HDAC7: variants seen among roughly 807,000 people sequenced by gnomAD.
HDAC7 encodes the protein histone deacetylase 7A.
HDAC7 carries 26 observed loss-of-function variants against 115.5 expected under a neutral mutation model. The ratio of observed to expected loss-of-function variants is 0.23; its 90% CI spans 0.16 to 0.31. The LOEUF is 0.31. Among genes scored for constraint, HDAC7 ranks in the 10% least tolerant of loss-of-function variants. The pLI is 1.00. For missense variants in HDAC7, 1,068 were observed against 1,329.0 expected (o/e 0.80, Z 3.05); for synonymous variants, 564 against 550.9 (o/e 1.02, Z -0.33).
rs762942623 is a variant in HDAC7 at position 47,797,171 on chromosome 12, C to T, written c.578-29G>A. 1.3e-6 allele frequency: 2 copies of T among 1,565,408 alleles called. No individual in the cohort carries two copies. Among genetic ancestry groups the T allele is most frequent in the South Asian group, 1.2e-5 (1 of 83,792 alleles). ...CAGGGAGCACCAGCGTCACTCAGGC[C>T]CCCACCACCCTTCTTTTTTCCACCC... is the stretch of plus-strand genomic sequence containing the variant. On this transcript the variant is annotated intron_variant, in intron 6 of 25. Coordinates refer to ENST00000080059, the MANE Select transcript of HDAC7 (RefSeq NM_015401.5). The surrounding 1 kb of genome is among the most constrained non-coding windows in gnomAD (Gnocchi z 5.5).
rs1328330670 is a variant in HDAC7, at chr12:47,789,364, G to A, written c.2148-16C>T. ...GCAGAAGCCCCTGGAAGGAGAGACA[G>A]GTCCTGCCAGCCCATTCTCTCCACA... On this transcript the variant is annotated splice_polypyrimidine_tract_variant and intron_variant, in intron 18 of 25. Transcript: ENST00000080059. 13 of 1,608,674 alleles carry A rather than the reference G, an allele frequency of 8.1e-6. No homozygotes were observed. Among genetic ancestry groups the A allele is most frequent in the South Asian group, 2.2e-5 (2 of 90,994 alleles).
At chr12:47,790,278 C>T (rs558537016) in intron 16 of HDAC7, 57 of 270,108 alleles carry the variant, frequency 2.1e-4, no homozygotes, top group South Asian at 9.0e-4. Flanking sequence ...CCCTGCGGGA[C>T]GGTCGGAGCT....
At chr12:47,785,222 G>A in intron 24 of HDAC7, 165 bp downstream of exon 24, 1 of 647,886 alleles carries the variant, frequency 1.5e-6, no homozygotes, top group South Asian at 1.9e-5. Flanking sequence ...CCCTCACTGG[G>A]GGGTGCTCAC....
rs1252487949 is a variant in HDAC7, at chr12:47,789,798, A to G, written c.2091+15T>C. The stretch of plus-strand genomic sequence containing the variant: ...CTCCTTTGTGGTGTGTCCACCTTCA[A>G]CCCAAACCTCCTACCTTTAGCTCAC... On this transcript the variant is annotated intron_variant, in intron 17 of 25. Coordinates refer to ENST00000080059, the MANE Select transcript of HDAC7 (RefSeq NM_015401.5). The G allele has an allele frequency of 6.2e-7, 1 of 1,603,632 alleles. No individual in the cohort carries two copies. The highest frequency in any genetic ancestry group is 8.5e-7 in the Non-Finnish European group (1 of 1,171,366).
rs1209253256 is a variant in HDAC7, at chr12:47,791,632, G to A, written c.1887C>T (p.Gly629=). The A allele has an allele frequency of 3.1e-6, 5 of 1,611,768 alleles. No homozygotes were observed. The highest frequency in any genetic ancestry group is 4.2e-6 in the Non-Finnish European group (5 of 1,179,252). The change falls in exon 15 of 26, where the codon GGC becomes GGT. Residue 629 remains glycine, a synonymous_variant. Coordinates refer to ENST00000080059, the MANE Select transcript of HDAC7 (RefSeq NM_015401.5). ...VHSERHVLLY[G]TNPLSRLKLD... is the part of the protein sequence containing the mutation. Reference sequence around the variant, plus strand: ...GTTTGAGGCGGCTGAGCGGGTTGGTGCCGTAGAGGAGCACGTGCCGCTCAG... The same window carrying A: ...GTTTGAGGCGGCTGAGCGGGTTGGTACCGTAGAGGAGCACGTGCCGCTCAG...
In HDAC7 at chr12:47,782,952, C is replaced by A. The variant is rs1379010263; in HGVS notation, c.*889G>T. 6.5e-6 allele frequency: 1 copy of A among 152,900 alleles called. No homozygotes were observed. The allele number at this position is 152,900 out of a possible 1,614,324, so 9.5% of individuals were successfully genotyped here. A position where few individuals can be genotyped will look rare whatever the true frequency, so the allele number is the denominator to read the frequency against. On this transcript the variant is annotated 3_prime_UTR_variant, in exon 26 of 26. Coordinates refer to ENST00000080059, the MANE Select transcript of HDAC7 (RefSeq NM_015401.5). Reference sequence around the variant, plus strand: ...AGCCTTGAAGACTTTGCCAGAGCAGCCTCCCCTCCTCCATGTCTGTATCTT... The same window carrying A: ...AGCCTTGAAGACTTTGCCAGAGCAGACTCCCCTCCTCCATGTCTGTATCTT...
chr12:47,793,119 A>G lies in HDAC7; in HGVS notation c.1678+250T>C. The stretch of plus-strand genomic sequence containing the variant: ...GCTGAGTGCATTGGCAGGAGACTGG[A>G]ATTCTTATCCTGGCTTGACTACCAC... On this transcript the variant is annotated intron_variant, in intron 13 of 25. Transcript: ENST00000080059. The surrounding 1 kb of genome is among the most constrained non-coding windows in gnomAD (Gnocchi z 4.5). 1 of 486,014 alleles carries G rather than the reference A, an allele frequency of 2.1e-6. No individual in the cohort carries two copies. The highest frequency in any genetic ancestry group is 3.8e-5 in the Admixed American group (1 of 26,450). The allele number at this position is 486,014 out of a possible 1,614,324, so 30.1% of individuals were successfully genotyped here.
rs1297212637 is a variant in HDAC7, at chr12:47,785,854, G to C, written c.2604C>G (p.Asn868Lys). 3 of 1,609,916 alleles carry C rather than the reference G, an allele frequency of 1.9e-6. No homozygotes were observed. The highest frequency in any genetic ancestry group is 2.5e-6 in the Non-Finnish European group (3 of 1,178,066). ...CFGYMTQQLMNLAGGAVVLAL... is the reference protein window; with the variant it reads ...CFGYMTQQLMKLAGGAVVLAL... The stretch of plus-strand genomic sequence containing the variant: ...CCAGCACCACTGCGCCTCCTGCCAG[G>C]TTCATCAGTTGCTGCGTCATGTATC... Residue 868 changes from asparagine to lysine, a missense_variant, in exon 23 of 26, where the codon AAC becomes AAG. Coordinates refer to ENST00000080059, the MANE Select transcript of HDAC7 (RefSeq NM_015401.5).
At chr12:47,787,553 C>A (rs900929524) in intron 21 of HDAC7, among the ~76,000 whole-genome samples, 159 bp downstream of exon 21, 1 of 152,234 alleles carries the variant, frequency 6.6e-6, no homozygotes, top group Non-Finnish European at 1.5e-5. Context: ...CTTTTGCATT[C>A]TTCTCTCTGT....
intron 1 of HDAC7, among the ~76,000 whole-genome samples, chr12:47,818,644 G>A (rs1287889047): frequency 2.6e-5 from 4 of 152,206 alleles, no homozygotes; most frequent in African/African-American, 9.7e-5. Flanking sequence ...TTGATCTTGA[G>A]CTCCCAGCAG....
rs780838385 is a variant in HDAC7 at position 47,783,836 on chromosome 12, G to A, written c.*5C>T. 1.1e-5 allele frequency: 18 copies of A among 1,610,552 alleles called. No individual in the cohort carries two copies. The highest frequency in any genetic ancestry group is 1.4e-5 in the Non-Finnish European group (17 of 1,179,022). On this transcript the variant is annotated 3_prime_UTR_variant, in exon 26 of 26. Transcript: ENST00000080059. ...CATGGTGGGCGGGCAGATGGTTCCA[G>A]AGCCTTAGAGATTCATAGGTTCTTC...
chr12:47,806,584 G>C (rs1198932446), intron 1 of HDAC7, among the ~76,000 whole-genome samples: 1 of 152,188 alleles, frequency 6.6e-6, no homozygotes, highest in African/African-American at 2.4e-5. Flanking sequence ...AGCTACTTGG[G>C]AGGCTGAGGC....
rs150427893 is a variant in HDAC7 at position 47,791,294 on chromosome 12, G to A, written c.1948C>T (p.Arg650Trp). 2.6e-5 allele frequency: 41 copies of A among 1,599,220 alleles called. No individual in the cohort carries two copies. The highest frequency in any genetic ancestry group is 9.0e-5 in the South Asian group (8 of 88,518). ...CCACAGGGCAGCATCACAAACATCCGCTGTGCCAGGAGCCCTGCGGGGAGA... is the reference window on the plus strand; with the variant it reads ...CCACAGGGCAGCATCACAAACATCCACTGTGCCAGGAGCCCTGCGGGGAGA... ...NGKLAGLLAQ[R>W]MFVMLPCGGV... The change falls in exon 16 of 26, where the codon CGG becomes TGG. Residue 650 changes from arginine to tryptophan, a missense_variant. By Grantham distance (101) the Arg-to-Trp change is moderately radical. Transcript: ENST00000080059.
rs1232871475 is a variant in HDAC7 at position 47,803,664 on chromosome 12, C to T, written c.20-1390G>A. On this transcript the variant is annotated intron_variant, in intron 1 of 25. Transcript: ENST00000080059. The surrounding 1 kb of genome is among the most constrained non-coding windows in gnomAD (Gnocchi z 4.0). ...TCATTCATCATGATCTCTGTGGTGC[C>T]CTGTGGAAGCCATGCCCATCTGCAC... Among the ~76,000 whole-genome samples the T allele has an allele frequency of 1.3e-5, 2 of 152,160 alleles. No homozygotes were observed. The highest frequency in any genetic ancestry group is 2.4e-5 in the African/African-American group (1 of 41,424).
At chr12:47,814,590 T>C (rs1944798746) in intron 1 of HDAC7, among the ~76,000 whole-genome samples, 1 of 152,218 alleles carries the variant, frequency 6.6e-6, no homozygotes, top group Admixed American at 6.5e-5. Flanking sequence ...GTGGCTTTGA[T>C]CTTGGCCTTG....
In HDAC7 at chr12:47,790,111, CA is replaced by C. The variant is rs1233497427; in HGVS notation, c.1984-192del. ...CCCCAATCCCAGCATGACTTTTTCC[CA>C]GCTTAAGTCCCAGCACCAGCCCATT... On this transcript the variant is annotated intron_variant, in intron 16 of 25. Transcript: ENST00000080059. 27 of 592,910 alleles carry C rather than the reference CA, an allele frequency of 4.6e-5. No homozygotes were observed. The East Asian group carries it at 7.6e-4, about 17-fold the overall frequency. 36.7% of individuals were successfully genotyped at this position (592,910 alleles called of 1,614,324 possible).
At position 47,795,083 on chromosome 12, in the gene HDAC7, G is replaced by T; in HGVS notation, c.1284+101C>A. ...CCAAGAAGCCACATCCCCCTCTTTTGCCCTCCAGTTCCCTGCCCTTTCTAA... is the reference window on the plus strand; with the variant it reads ...CCAAGAAGCCACATCCCCCTCTTTTTCCCTCCAGTTCCCTGCCCTTTCTAA... On this transcript the variant is annotated intron_variant, in intron 11 of 25. Coordinates refer to ENST00000080059, the MANE Select transcript of HDAC7 (RefSeq NM_015401.5). This position sits in a 1 kb window ranked among gnomAD's most constrained non-coding sequence, Gnocchi z 4.3. The T allele has an allele frequency of 7.6e-7, 1 of 1,315,318 alleles. No homozygotes were observed. Among genetic ancestry groups the T allele is most frequent in the Non-Finnish European group, 1.1e-6 (1 of 940,294 alleles). The allele number at this position is 1,315,318 out of a possible 1,614,324, so 81.5% of individuals were successfully genotyped here.
In HDAC7 at chr12:47,785,508, GGA is replaced by G; in HGVS notation, c.2707-39_2707-38del. ...AGTACATCAGCCACCAGTCTCTCAG[GGA>G]CCCACAGGCCCAGCTCACTCCCACC... On this transcript the variant is annotated intron_variant, in intron 23 of 25. Coordinates refer to ENST00000080059, the MANE Select transcript of HDAC7 (RefSeq NM_015401.5). The G allele has an allele frequency of 3.2e-6, 5 of 1,575,766 alleles. No homozygotes were observed. The South Asian group carries it at 5.8e-5, about 18-fold the overall frequency.
intron 1 of HDAC7, among the ~76,000 whole-genome samples, chr12:47,811,021 A>G (rs7316233): frequency 0.14 from 21,447 of 151,846 alleles, 1,557 homozygotes; most frequent in Middle Eastern, 0.17. Context: ...CAGAAGCCAC[A>G]ATGGAGACCC....
Sources: allele counts gnomAD v4.1 joint callset (sites outside exome capture counted in the v4.1 genomes callset), GRCh38; gene constraint gnomAD v4.1.1; non-coding constraint Gnocchi (gnomAD v3.1); transcripts MANE v1.5; gene names NCBI Gene and HGNC (gene_info 2026-07-23, HGNC 2026-07-21).